SYTL2: variants seen among roughly 807,000 people sequenced by gnomAD.
SYTL2 encodes synaptotagmin-like protein 2.
In SYTL2, 165 loss-of-function variants were observed where a neutral mutation model predicts 198.7. The observed-to-expected ratio is 0.83, with a 90% CI of 0.73 to 0.94. The LOEUF (loss-of-function observed/expected upper bound fraction) is 0.94. SYTL2 is among the 40% of genes least tolerant of loss of function. The pLI, the probability that SYTL2 is intolerant of heterozygous loss-of-function variation, is 0.00. For synonymous variants in SYTL2, 966 were observed against 917.7 expected, an observed-to-expected ratio of 1.05 and a Z score of -0.95; for missense variants, 2,835 against 2,582.8, an observed-to-expected ratio of 1.10 and a Z score of -2.12.
rs10607209 is a variant in SYTL2 at position 85,700,321 on chromosome 11, CTT to C, written c.6268+192_6268+193del. 5.8e-3 allele frequency among the ~76,000 whole-genome samples: 793 copies of C among 137,782 alleles called. 3 individuals carry two copies. Among genetic ancestry groups the C allele is most frequent in the African/African-American group, 0.011 (420 of 38,578 alleles). 90.4% of individuals were successfully genotyped at this position (137,782 alleles called of 152,430 possible). On this transcript the variant is annotated intron_variant, in intron 17 of 19. Transcript: ENST00000359152. ...GTGAAGATGGTAGATTTTATGTTTT[CTT>C]TTTTTTTTTTTTTTGCCACAATAAC...
the SYTL2 span, among the ~76,000 whole-genome samples, chr11:85,826,769 C>T: frequency 0.012 from 1,861 of 152,312 alleles, 41 homozygotes; most frequent in African/African-American, 0.043. Flanking sequence ...AGTTCACAGT[C>T]GGCAGGGACT....
At chr11:85,797,020 C>T (rs753858981) in intron 1 of SYTL2, among the ~76,000 whole-genome samples, 12 of 152,058 alleles carry the variant, frequency 7.9e-5, no homozygotes, top group Non-Finnish European at 1.8e-4. Context: ...AATACCCCAT[C>T]TCTATAAAAA....
At chr11:85,751,759 T>G (rs2091525341) in intron 2 of SYTL2, among the ~76,000 whole-genome samples, 1 of 152,256 alleles carries the variant, frequency 6.6e-6, no homozygotes, top group South Asian at 2.1e-4. Context: ...TCTTATCATT[T>G]CATCCTTACA....
chr11:85,699,552 C>G (rs1406966767), intron 17 of SYTL2, among the ~76,000 whole-genome samples: 1 of 151,928 alleles, frequency 6.6e-6, no homozygotes, highest in African/African-American at 2.4e-5. Flanking sequence ...CTTTACTTGC[C>G]CTCTAATTCT....
rs1378674346 is a variant in SYTL2, at chr11:85,711,199, T to C, written c.5659A>G (p.Ser1887Gly). 6.2e-7 allele frequency: 1 copy of C among 1,614,100 alleles called. No homozygotes were observed. Among genetic ancestry groups the C allele is most frequent in the Admixed American group, 1.7e-5 (1 of 60,028 alleles). Reference sequence around the variant, plus strand: ...TTGTGTCTGCTGAGCTGGTAACTGCTTTCTGATGCTGTATCTGTTTCTCTG... The same window carrying C: ...TTGTGTCTGCTGAGCTGGTAACTGCCTTCTGATGCTGTATCTGTTTCTCTG... ...DDRETDTASE[S>G]SYQLSRHKKS... is the part of the protein sequence containing the mutation. Residue 1887 changes from serine to glycine, a missense_variant, in exon 13 of 20, where the codon AGC becomes GGC. Ser to Gly is a moderately conservative substitution (Grantham distance 56). Coordinates refer to ENST00000359152, the MANE Select transcript of SYTL2 (RefSeq NM_206927.4).
At chr11:85,784,929 C>T (rs1161861902) in intron 1 of SYTL2, among the ~76,000 whole-genome samples, 2 of 152,066 alleles carry the variant, frequency 1.3e-5, no homozygotes, top group African/African-American at 4.8e-5. Flanking sequence ...ACTAGTTACT[C>T]ACACCACAGC....
chr11:85,753,766 T>TA (rs869050309), intron 2 of SYTL2, among the ~76,000 whole-genome samples: 3 of 47,740 alleles, frequency 6.3e-5, no homozygotes, highest in African/African-American at 2.2e-4. Context: ...CTCTCTTTTT[T>TA]AAAAAAAAAA....
At chr11:85,695,397 G>A (rs2083274941) in intron 19 of SYTL2, 57 bp from the exon 20 acceptor site, 1 of 1,426,398 alleles carries the variant, frequency 7.0e-7, no homozygotes, top group South Asian at 1.5e-5. Context: ...GTAGGGGAAA[G>A]AGGGAAAGTT....
intron 19 of SYTL2, among the ~76,000 whole-genome samples, chr11:85,695,806 A>G (rs1346571488): frequency 6.6e-6 from 1 of 152,214 alleles, no homozygotes; most frequent in Non-Finnish European, 1.5e-5. Flanking sequence ...GATTCAATGA[A>G]ATAATGTAAA....
Position 85,726,228 on chromosome 11 carries a change from T to C in SYTL2, c.3130A>G (p.Lys1044Glu). ...HEAEVLLSPK[K>E]VMAREEMEKL... ...TCCATTTCCTCTCTTGCCATAACTTTTTTTGGGCTTAGAAGCACCTCTGCT... is the reference window on the plus strand; with the variant it reads ...TCCATTTCCTCTCTTGCCATAACTTCTTTTGGGCTTAGAAGCACCTCTGCT... The change falls in exon 8 of 20, where the codon AAA becomes GAA. Residue 1044 changes from lysine to glutamate, a missense_variant. Around this residue, in one of 3 missense-constraint regions of SYTL2, gnomAD observed 2,645 missense variants for 2,381.7 expected, o/e 1.11. Coordinates refer to ENST00000359152, the MANE Select transcript of SYTL2 (RefSeq NM_206927.4). 1 of 1,613,158 alleles carries C rather than the reference T, an allele frequency of 6.2e-7. No individual in the cohort carries two copies. The highest frequency in any genetic ancestry group is 1.7e-4 in the Middle Eastern group (1 of 6,058).
At position 85,725,370 on chromosome 11, in the gene SYTL2, C is replaced by T; in HGVS notation, c.3988G>A (p.Asp1330Asn). Residue 1330 changes from aspartate to asparagine, a missense_variant, in exon 8 of 20, where the codon GAT (aspartate) becomes AAT (asparagine). Physicochemically the swap from Asp to Asn is conservative, Grantham distance 23. This residue lies in a region of SYTL2 where 2,645 missense variants were observed against 2,381.7 expected (regional missense o/e 1.11). Coordinates refer to ENST00000359152, the MANE Select transcript of SYTL2 (RefSeq NM_206927.4). ...TGAGCATCCTGGGGAAAAAGCATAT[C>T]TTGGGGAGGGCTGGCCACATCCCCA... ...SFGDVASPPQ[D>N]MLFPQDAHLV... The T allele has an allele frequency of 3.1e-6, 5 of 1,614,028 alleles. No individual in the cohort carries two copies. The highest frequency in any genetic ancestry group is 4.2e-6 in the Non-Finnish European group (5 of 1,179,976).
At chr11:85,791,752 G>A (rs2092734199) in intron 1 of SYTL2, among the ~76,000 whole-genome samples, 1 of 152,078 alleles carries the variant, frequency 6.6e-6, no homozygotes, top group South Asian at 2.1e-4. Context: ...ATGGAGTCAT[G>A]TGGTTAGCAA....
chr11:85,808,737 G>T (rs564019839), intron 1 of SYTL2, among the ~76,000 whole-genome samples: 2 of 152,216 alleles, frequency 1.3e-5, no homozygotes, highest in South Asian at 4.1e-4. Context: ...AATTGCATAA[G>T]CACAGGAGCA....
intron 7 of SYTL2, among the ~76,000 whole-genome samples, chr11:85,728,842 A>T (rs1366388992): frequency 1.3e-5 from 2 of 152,214 alleles, no homozygotes; most frequent in Non-Finnish European, 2.9e-5. Flanking sequence ...GGATATTTCC[A>T]TTCCTGGGCC....
intron 1 of SYTL2, among the ~76,000 whole-genome samples, chr11:85,782,020 T>G (rs1345399807): frequency 6.6e-6 from 1 of 152,224 alleles, no homozygotes; most frequent in Non-Finnish European, 1.5e-5. Context: ...CAGTGGGGAC[T>G]GGGTGTGGGG....
chr11:85,816,856 G>C, the SYTL2 span, among the ~76,000 whole-genome samples: 690 of 147,532 alleles, frequency 4.7e-3, 3 homozygotes, highest in Middle Eastern at 0.025. Context: ...CAAGGCTACA[G>C]TGAGCCATGA....
At chr11:85,807,600 G>A (rs2092975158) in intron 1 of SYTL2, among the ~76,000 whole-genome samples, 1 of 152,158 alleles carries the variant, frequency 6.6e-6, no homozygotes, top group Admixed American at 6.5e-5. Context: ...CTGGGGCAAT[G>A]ACTTTCTCCA....
chr11:85,738,140 A>G (rs1427314937), intron 4 of SYTL2, among the ~76,000 whole-genome samples: 1 of 152,158 alleles, frequency 6.6e-6, no homozygotes, highest in Non-Finnish European at 1.5e-5. Flanking sequence ...CCCATGAAGT[A>G]AGGAACCAAA....
intron 7 of SYTL2, among the ~76,000 whole-genome samples, chr11:85,731,533 G>A (rs1437021026): frequency 3.9e-5 from 6 of 152,238 alleles, no homozygotes; most frequent in East Asian, 1.9e-4. Flanking sequence ...CTAGCCATAC[G>A]CAGAAAACTG....
Sources: gnomAD v4.1 joint callset for allele counts (sites outside exome capture counted in the v4.1 genomes callset) on GRCh38, gnomAD v4.1.1 for gene constraint, gnomAD v4.1.1 regional missense constraint, MANE v1.5 for transcripts, NCBI Gene and HGNC (gene_info 2026-07-23, HGNC 2026-07-21) for gene names.